TBX1: variants seen among roughly 807,000 people sequenced by gnomAD.
TBX1 encodes the protein T-box transcription factor 1.
TBX1 carries 16 observed loss-of-function variants against 40.8 expected under a neutral mutation model. The observed-to-expected ratio is 0.39, with a 90% confidence interval of 0.27 to 0.60. The LOEUF (loss-of-function observed/expected upper bound fraction) is 0.60, where lower values mean the gene tolerates loss of function less well. Ranked by LOEUF, TBX1 falls within the 20% of genes least tolerant of loss-of-function variation. TBX1 has a pLI of 0.51. For synonymous variants in TBX1, 403 were observed against 336.8 expected (o/e 1.20, Z -2.15); for missense variants, 755 against 728.5 (o/e 1.04, Z -0.42).
At position 19,766,687 on chromosome 22, in the gene TBX1, C is replaced by T; in HGVS notation, c.1335C>T (p.Tyr445=). The change falls in exon 7 of 7, where the codon TAC becomes TAT. Residue 445 remains tyrosine, a synonymous_variant. Transcript: ENST00000649276. The part of the protein sequence containing the change: ...YLGAKSRPAP[Y]PLPGLRGHGY... Reference sequence around the variant, plus strand: ...GGGCCAAGAGCCGGCCGGCGCCCTACCCGCTGCCCGGCCTGCGTGGCCACG... The same window carrying T: ...GGGCCAAGAGCCGGCCGGCGCCCTATCCGCTGCCCGGCCTGCGTGGCCACG... The T allele has an allele frequency of 6.5e-7, 1 of 1,549,194 alleles. No homozygotes were observed. Among genetic ancestry groups the T allele is most frequent in the Non-Finnish European group, 8.6e-7 (1 of 1,156,344 alleles).
At chr22:19,763,749 G>A (rs987419106) in intron 2 of TBX1, 1 of 396,280 alleles carries the variant, frequency 2.5e-6, no homozygotes. Flanking sequence ...GAGAGATTAT[G>A]CAGGGCGGGC....
intron 1 of TBX1, among the ~76,000 whole-genome samples, chr22:19,762,356 C>T (rs897027250): frequency 1.3e-5 from 2 of 152,230 alleles, no homozygotes; most frequent in Non-Finnish European, 2.9e-5. Context: ...TTCTGCCCAC[C>T]GCCTGCAGGG....
In TBX1 at chr22:19,766,720, C is replaced by A. The variant is rs1601294758; in HGVS notation, c.1368C>A (p.His456Gln). 4 of 1,542,774 alleles carry A rather than the reference C, an allele frequency of 2.6e-6. No individual in the cohort carries two copies. The highest frequency in any genetic ancestry group is 3.5e-6 in the Non-Finnish European group (4 of 1,153,940). Residue 456 changes from histidine (H) to glutamine (Q), a missense_variant, in exon 7 of 7, where the codon CAC becomes CAA. Physicochemically the swap from His to Gln is conservative, Grantham distance 24. This residue lies in a region of TBX1 where 412 missense variants were observed against 317.6 expected (regional missense o/e 1.30). Coordinates refer to ENST00000649276, the MANE Select transcript of TBX1 (RefSeq NM_001379200.1). ...PLPGLRGHGY[H>Q]PHAHPHHHHH... ...CCGGCCTGCGTGGCCACGGCTACCA[C>A]CCGCACGCGCATCCGCACCACCACC...
chr22:19,766,499 C>T lies in TBX1; in HGVS notation c.1147C>T (p.Pro383Ser). Reference protein sequence around the residue: ...LLARVLSPSLPGAGGAGGLVP... With the variant: ...LLARVLSPSLSGAGGAGGLVP... ...GGCCCGGGTGCTAAGCCCCTCGCTG[C>T]CCGGGGCCGGCGGCGCCGGCGGCTT... The change falls in exon 7 of 7, where the codon CCC becomes TCC. Residue 383 changes from proline (P) to serine (S), a missense_variant. Pro to Ser is a moderately conservative substitution (Grantham distance 74). This residue lies in a region of TBX1 where 412 missense variants were observed against 317.6 expected (regional missense o/e 1.30). Transcript: ENST00000649276. 5.3e-6 allele frequency: 7 copies of T among 1,313,202 alleles called. No individual in the cohort carries two copies. The highest frequency in any genetic ancestry group is 6.8e-6 in the Non-Finnish European group (7 of 1,033,782). 81.3% of individuals were successfully genotyped at this position (1,313,202 alleles called of 1,614,324 possible).
In TBX1 at chr22:19,767,108, G is replaced by A. The variant is rs2145840369; in HGVS notation, c.*241G>A. The A allele has an allele frequency of 3.2e-6, 4 of 1,252,260 alleles. No homozygotes were observed. The highest frequency in any genetic ancestry group is 6.8e-5 in the East Asian group (2 of 29,302). The allele number at this position is 1,252,260 out of a possible 1,614,324, so 77.6% of individuals were successfully genotyped here. On this transcript the variant is annotated 3_prime_UTR_variant, in exon 7 of 7. Transcript: ENST00000649276. ...CCGCGGGTCCTTCCCCGGCCCCGAG[G>A]GCCAAGGGGGTCCCCGCCCGCCAGT...
downstream of TBX1, chr22:19,767,337 C>G: frequency 1.0e-6 from 1 of 987,698 alleles, no homozygotes; most frequent in Non-Finnish European, 1.2e-6. Flanking sequence ...TTTTGGAAGC[C>G]GCCTGCGTGT....
At chr22:19,764,065 T>C in intron 2 of TBX1, 90 bp from the exon 3 acceptor site, 1 of 1,484,912 alleles carries the variant, frequency 6.7e-7, no homozygotes, top group Non-Finnish European at 9.3e-7. Flanking sequence ...GGGAAACTTC[T>C]CAAAGGCACT....
chr22:19,765,982 A>G lies in TBX1; in HGVS notation c.1016A>G (p.Gln339Arg), dbSNP rs1434171262. Residue 339 changes from glutamine (Q) to arginine (R), a missense_variant, in exon 6 of 7, where the codon CAG (glutamine) becomes CGG (arginine). By Grantham distance (43) the Gln-to-Arg change is conservative. Transcript: ENST00000649276. ...RSRNPVASPT[Q>R]PSGTEKDAAE... The stretch of plus-strand genomic sequence containing the variant: ...CGGAACCCCGTGGCTTCCCCGACGC[A>G]GCCCAGCGGCACGGAGAAAGGTAGG... 27 of 1,513,478 alleles carry G rather than the reference A, an allele frequency of 1.8e-5. No individual in the cohort carries two copies. Among genetic ancestry groups the G allele is most frequent in the Non-Finnish European group, 2.4e-5 (27 of 1,136,498 alleles). 93.8% of individuals were successfully genotyped at this position (1,513,478 alleles called of 1,614,324 possible).
At chr22:19,768,513 G>A (rs1165703803), downstream of TBX1, among the ~76,000 whole-genome samples, 1 of 152,168 alleles carries the variant, frequency 6.6e-6, no homozygotes, top group Non-Finnish European at 1.5e-5. Flanking sequence ...CCCAGGCTCC[G>A]TGAGCACGGC....
Position 19,779,164 on chromosome 22 carries a change from G to C in TBX1, c.1010-56G>C. Reference sequence around the variant, plus strand: ...GTGCAGTCTGATCTGCAAGAAAAGAGAGGCACCTCTGACATGGTACTTCAT... The same window carrying C: ...GTGCAGTCTGATCTGCAAGAAAAGACAGGCACCTCTGACATGGTACTTCAT... On this transcript the variant is annotated intron_variant, in intron 8 of 8. Coordinates refer to the TBX1 transcript ENST00000329705. The C allele has an allele frequency of 1.9e-6, 3 of 1,595,624 alleles. No individual in the cohort carries two copies. The Admixed American group carries it at 5.0e-5, about 27-fold the overall frequency.
downstream of TBX1, among the ~76,000 whole-genome samples, chr22:19,780,601 C>A (rs919200966): frequency 1.3e-5 from 2 of 152,136 alleles, no homozygotes; most frequent in Non-Finnish European, 2.9e-5. Flanking sequence ...ATCTTTGCAG[C>A]CCTGCTTTCA....
At chr22:19,762,257 C>T (rs1166248834) in intron 1 of TBX1, among the ~76,000 whole-genome samples, 1 of 152,240 alleles carries the variant, frequency 6.6e-6, no homozygotes, top group Non-Finnish European at 1.5e-5. Flanking sequence ...CACCCGGGAG[C>T]CCACGTCCCG....
Position 19,760,941 on chromosome 22 carries a change from C to CA in TBX1, c.98_99insA (p.Phe36LeufsTer142). 9.9e-7 allele frequency: 1 copy of CA among 1,009,072 alleles called. No individual in the cohort carries two copies. The highest frequency in any genetic ancestry group is 1.2e-6 in the Non-Finnish European group (1 of 843,458). 62.5% of individuals were successfully genotyped at this position (1,009,072 alleles called of 1,614,324 possible). A position where few individuals can be genotyped will look rare whatever the true frequency, so the allele number is the denominator to read the frequency against. Reference sequence around the variant, plus strand: ...AGCAGCCTGAGCAGCCTGGGGGCCGCGGGGGGCTTCCCGGGCGCCGCGTCG... The same window carrying CA: ...AGCAGCCTGAGCAGCCTGGGGGCCGCAGGGGGGCTTCCCGGGCGCCGCGTCG... On this transcript the variant is annotated frameshift_variant, in exon 1 of 7. Transcript: ENST00000649276. LOFTEE classifies it high-confidence loss of function.
At chr22:19,766,351 CCCGG>C in intron 6 of TBX1, 34 bp from the exon 7 acceptor site, 1 of 1,252,984 alleles carries the variant, frequency 8.0e-7, no homozygotes, top group Non-Finnish European at 1.0e-6. Flanking sequence ...CCTCGGCGGC[CCCGG>C]CCGGCCGCGC....
At position 19,777,046 on chromosome 22, in the gene TBX1, A is replaced by T. The variant is rs41297830; in HGVS notation, c.1010-2174A>T. ...TGTTATTGAACATTAAGGTTTTTTT[A>T]AAAAATTTTAATTTAATATAATTTA... On this transcript the variant is annotated intron_variant, in intron 8 of 8. Transcript: ENST00000329705. Among the ~76,000 whole-genome samples the T allele has an allele frequency of 7.7e-4, 116 of 151,152 alleles. No homozygotes were observed. The East Asian group carries it at 9.4e-3, about 12-fold the overall frequency.
chr22:19,775,006 C>T (rs1050151396), intron 8 of TBX1, among the ~76,000 whole-genome samples: 1 of 152,176 alleles, frequency 6.6e-6, no homozygotes, highest in South Asian at 2.1e-4. Flanking sequence ...GCCTCGAACT[C>T]GGGTTCAGGC....
At chr22:19,765,856 C>G (rs41298836) in intron 5 of TBX1, 31 bp downstream of exon 5, 2 of 1,578,288 alleles carry the variant, frequency 1.3e-6, no homozygotes, top group Non-Finnish European at 1.7e-6. Context: ...GAGTGAGCGC[C>G]GGGCGCCTGG....
upstream of TBX1, among the ~76,000 whole-genome samples, chr22:19,757,926 G>A (rs1282249194): frequency 6.6e-6 from 1 of 152,216 alleles, no homozygotes; most frequent in Non-Finnish European, 1.5e-5. Context: ...GGCCCACAAA[G>A]CTCCAGCTGC....
chr22:19,774,265 C>A (rs750310494), intron 8 of TBX1, among the ~76,000 whole-genome samples: 1 of 152,122 alleles, frequency 6.6e-6, no homozygotes, highest in Non-Finnish European at 1.5e-5. Flanking sequence ...GAGTTCAAGA[C>A]CCGCCTGGGC....
Sources: allele counts gnomAD v4.1 joint callset (sites outside exome capture counted in the v4.1 genomes callset), GRCh38; gene constraint gnomAD v4.1.1; regional missense constraint gnomAD v4.1.1; transcripts MANE v1.5; gene names NCBI Gene and HGNC (gene_info 2026-07-23, HGNC 2026-07-21).